EXT2: variants seen among roughly 807,000 people sequenced by gnomAD.
EXT2 encodes the protein exostosin-2.
In EXT2, 53 loss-of-function variants were observed where a neutral mutation model predicts 81.6. The observed-to-expected ratio is 0.65, with a 90% confidence interval of 0.52 to 0.82. EXT2 has a LOEUF of 0.82. Among genes scored for constraint, EXT2 ranks in the 40% least tolerant of loss-of-function variants. The pLI is 0.00. For synonymous variants in EXT2, 320 were observed against 340.0 expected, an observed-to-expected ratio of 0.94 and a Z score of 0.65; for missense variants, 774 against 910.2, an observed-to-expected ratio of 0.85 and a Z score of 1.93.
chr11:44,117,095 A>G (rs1433569497), intron 4 of EXT2, among the ~76,000 whole-genome samples: 3 of 150,684 alleles, frequency 2.0e-5, no homozygotes, highest in Admixed American at 6.6e-5. Flanking sequence ...TCAACCTCCC[A>G]AGTAGCTGGG....
intron 7 of EXT2, among the ~76,000 whole-genome samples, chr11:44,162,166 TA>T (rs2135107527): frequency 6.6e-6 from 1 of 152,288 alleles, no homozygotes; most frequent in East Asian, 1.9e-4. Flanking sequence ...CATGGTGATG[TA>T]AGATGTTAAC....
chr11:44,169,051 C>G (rs1955034169), intron 7 of EXT2, among the ~76,000 whole-genome samples: 2 of 152,018 alleles, frequency 1.3e-5, no homozygotes, highest in South Asian at 4.1e-4. Context: ...GAAACCCCAT[C>G]TCTACTAAAA....
intron 3 of EXT2, 50 bp from the exon 4 acceptor site, chr11:44,114,135 A>C (rs754426630): frequency 2.2e-5 from 33 of 1,472,400 alleles, no homozygotes; most frequent in Non-Finnish European, 2.5e-5. Context: ...AGTGTGTATC[A>C]GAATAAAGTC....
In EXT2 at chr11:44,108,118, G is replaced by A. The variant is rs769198151; in HGVS notation, c.406G>A (p.Ala136Thr). 3 of 1,614,174 alleles carry A rather than the reference G, an allele frequency of 1.9e-6. No homozygotes were observed. In the South Asian group the frequency reaches 3.3e-5, roughly 18 times the overall value. Residue 136 changes from alanine (A) to threonine (T), a missense_variant, in exon 2 of 14, where the codon GCC becomes ACC. Around this residue, in one of 2 missense-constraint regions of EXT2, gnomAD observed 626 missense variants for 670.5 expected, o/e 0.93. Transcript: ENST00000533608. ...ISREYNELLM[A>T]ISDSDYYTDD... The stretch of plus-strand genomic sequence containing the variant: ...CCGGGAGTATAATGAACTGCTCATG[G>A]CCATCTCAGACAGTGACTACTACAC...
At chr11:44,225,533 A>G (rs916261673) in intron 10 of EXT2, among the ~76,000 whole-genome samples, 17 of 152,188 alleles carry the variant, frequency 1.1e-4, no homozygotes, top group Admixed American at 1.0e-3. Flanking sequence ...GTCATTCAGC[A>G]GGCACCTGTG....
chr11:44,130,029 T>C lies in EXT2; in HGVS notation c.1080-16T>C, dbSNP rs377582390. On this transcript the variant is annotated splice_polypyrimidine_tract_variant and intron_variant, in intron 6 of 13. Coordinates refer to ENST00000533608, the MANE Select transcript of EXT2 (RefSeq NM_207122.2). ...AAGGGCTGTGTGTATGTAAACTGTT[T>C]TGCTGTTGTCTCCAGAGCATCTGTG... 1 of 1,605,308 alleles carries C rather than the reference T, an allele frequency of 6.2e-7. No homozygotes were observed. The highest frequency in any genetic ancestry group is 8.5e-7 in the Non-Finnish European group (1 of 1,172,046).
chr11:44,180,166 T>G (rs533935125), intron 8 of EXT2, among the ~76,000 whole-genome samples: 2 of 152,320 alleles, frequency 1.3e-5, no homozygotes, highest in African/African-American at 4.8e-5. Flanking sequence ...TCTCTGATAC[T>G]TTCTTCCTAT....
intron 12 of EXT2, 38 bp from the exon 13 acceptor site, chr11:44,236,255 C>A: frequency 6.3e-7 from 1 of 1,585,646 alleles, no homozygotes; most frequent in Non-Finnish European, 8.7e-7. Flanking sequence ...TTGTCCTTGA[C>A]ACTGACAGCC....
At chr11:44,156,577 A>T (rs1244515937) in intron 7 of EXT2, among the ~76,000 whole-genome samples, 1 of 152,138 alleles carries the variant, frequency 6.6e-6, no homozygotes, top group Non-Finnish European at 1.5e-5. Flanking sequence ...AAATTATTTC[A>T]ATCTCCTTTG....
rs145233674 is a variant in EXT2, at chr11:44,247,908, G to A, written c.*3621G>A. Among the ~76,000 whole-genome samples the A allele has an allele frequency of 6.6e-6, 1 of 152,272 alleles. No individual in the cohort carries two copies. The highest frequency in any genetic ancestry group is 2.4e-5 in the African/African-American group (1 of 41,544). ...CCACAGGTTCTGAAGTTGATTTGAG[G>A]TTAAAATCCAAGAACCTTTGATAGT... On this transcript the variant is annotated 3_prime_UTR_variant, in exon 14 of 14. Coordinates refer to ENST00000533608, the MANE Select transcript of EXT2 (RefSeq NM_207122.2).
intron 10 of EXT2, among the ~76,000 whole-genome samples, chr11:44,213,816 GA>G (rs1195986287): frequency 1.3e-5 from 2 of 152,112 alleles, no homozygotes; most frequent in Non-Finnish European, 2.9e-5. Flanking sequence ...AATATTTGAA[GA>G]AATAATGGCT....
In EXT2 at chr11:44,123,578, A is replaced by AT. The variant is rs552933656; in HGVS notation, c.744-1205dup. Among the ~76,000 whole-genome samples the AT allele has an allele frequency of 4.6e-5, 7 of 152,140 alleles. No individual in the cohort carries two copies. In the East Asian group the frequency reaches 7.7e-4, roughly 17 times the overall value. ...GGACCAGAAGTGTTTTGGACTCCTG[A>AT]TTTTTTCAGATTTTGGAGTATTTGC... On this transcript the variant is annotated intron_variant, in intron 4 of 13. Transcript: ENST00000533608.
chr11:44,185,671 C>A lies in EXT2; in HGVS notation c.1306-12158C>A, dbSNP rs117013257. 4.8e-3 allele frequency among the ~76,000 whole-genome samples: 724 copies of A among 152,252 alleles called. 5 individuals carry two copies. Among genetic ancestry groups the A allele is most frequent in the East Asian group, 0.03 (157 of 5,182 alleles). Reference sequence around the variant, plus strand: ...TCAACTTTCATTTTGGTGTTAGGCTCCTAACAGCTCAAACTATACAGAAAC... The same window carrying A: ...TCAACTTTCATTTTGGTGTTAGGCTACTAACAGCTCAAACTATACAGAAAC... On this transcript the variant is annotated intron_variant, in intron 8 of 13. Transcript: ENST00000533608.
chr11:44,156,207 T>C (rs916464751), intron 7 of EXT2, among the ~76,000 whole-genome samples: 1 of 152,212 alleles, frequency 6.6e-6, no homozygotes, highest in African/African-American at 2.4e-5. Context: ...GAGATAGTCT[T>C]CTTTGGGGTT....
At chr11:44,097,320 T>G (rs1953912879) in intron 1 of EXT2, among the ~76,000 whole-genome samples, 1 of 152,226 alleles carries the variant, frequency 6.6e-6, no homozygotes, top group Non-Finnish European at 1.5e-5. Context: ...AAATAATTTT[T>G]AGGGGCATTT....
chr11:44,248,281 A>C lies in EXT2; in HGVS notation c.*3994A>C, dbSNP rs1168691439. 6.6e-6 allele frequency among the ~76,000 whole-genome samples: 1 copy of C among 152,198 alleles called. No individual in the cohort carries two copies. The highest frequency in any genetic ancestry group is 6.5e-5 in the Admixed American group (1 of 15,278). ...AACTGGCCCCATGTCTCCTCCAGCC[A>C]CTTCCTGAGGAGCAGTTCTGGCAGG... On this transcript the variant is annotated 3_prime_UTR_variant, in exon 14 of 14. Transcript: ENST00000533608.
chr11:44,111,209 A>T (rs1012158691), intron 3 of EXT2, among the ~76,000 whole-genome samples: 3 of 152,054 alleles, frequency 2.0e-5, no homozygotes, highest in Admixed American at 1.3e-4. Context: ...TGCTCAGTGA[A>T]TTTTTTTTAA....
At chr11:44,243,618 CTTTTT>C (rs1215047805) in intron 13 of EXT2, among the ~76,000 whole-genome samples, 2 of 72,904 alleles carry the variant, frequency 2.7e-5, no homozygotes, top group East Asian at 5.3e-4. Context: ...GCCCTGTCAC[CTTTTT>C]TTTTTTTTTT....
chr11:44,165,980 A>C (rs1954989116), intron 7 of EXT2, among the ~76,000 whole-genome samples: 1 of 152,242 alleles, frequency 6.6e-6, no homozygotes, highest in Non-Finnish European at 1.5e-5. Flanking sequence ...TTATAAAATG[A>C]AACTGTCCCA....
Sources: gnomAD v4.1 joint callset for allele counts (sites outside exome capture counted in the v4.1 genomes callset) on GRCh38, gnomAD v4.1.1 for gene constraint, gnomAD v4.1.1 regional missense constraint, MANE v1.5 for transcripts, NCBI Gene and HGNC (gene_info 2026-07-23, HGNC 2026-07-21) for gene names.